The following PHIP variants were observed in gnomAD, a reference collection of about 807,000 sequenced individuals.
PHIP encodes PH-interacting protein.
Under a neutral mutation model 236.8 loss-of-function variants are expected in PHIP, and 54 were observed. The ratio of observed to expected loss-of-function variants is 0.23; its 90% CI spans 0.18 to 0.29. The LOEUF (loss-of-function observed/expected upper bound fraction) is 0.29. Ranked by LOEUF, PHIP falls within the 10% of genes least tolerant of loss-of-function variation. PHIP has a pLI of 1.00. For missense variants in PHIP, 1,370 were observed against 2,190.8 expected (o/e 0.63, Z 7.48); for synonymous variants, 756 against 718.9 (o/e 1.05, Z -0.83).
chr6:79,052,948 T>C (rs1396665376), intron 6 of PHIP, among the ~76,000 whole-genome samples: 1 of 152,196 alleles, frequency 6.6e-6, no homozygotes, highest in Non-Finnish European at 1.5e-5. Context: ...CTGAGGTACA[T>C]GCATACATAT....
intron 15 of PHIP, 92 bp from the exon 16 acceptor site, chr6:79,003,950 C>T: frequency 1.3e-6 from 1 of 773,710 alleles, no homozygotes; most frequent in Non-Finnish European, 2.0e-6. Context: ...TAAAAGCATA[C>T]ATCCTAATGA....
At chr6:79,019,840 T>C (rs1484882692) in intron 9 of PHIP, among the ~76,000 whole-genome samples, 8 of 152,086 alleles carry the variant, frequency 5.3e-5, no homozygotes, top group African/African-American at 1.9e-4. Context: ...ATACTACTGA[T>C]ATTAAATGTT....
intron 15 of PHIP, among the ~76,000 whole-genome samples, chr6:79,012,509 T>C (rs1770636544): frequency 6.6e-6 from 1 of 151,740 alleles, no homozygotes; most frequent in Non-Finnish European, 1.5e-5. Flanking sequence ...CAAAGCACTA[T>C]ATATGACTAG....
chr6:79,018,543 T>C (rs1044405544), intron 10 of PHIP, among the ~76,000 whole-genome samples: 2 of 151,996 alleles, frequency 1.3e-5, no homozygotes, highest in Admixed American at 6.6e-5. Context: ...AACCAGATTT[T>C]TTTTATAACT....
chr6:79,016,482 C>G (rs927081022), intron 13 of PHIP, 62 bp downstream of exon 13: 1 of 956,658 alleles, frequency 1.0e-6, no homozygotes, highest in African/African-American at 1.7e-5. Flanking sequence ...AGTCACCAAC[C>G]TGCACTATAA....
At chr6:78,945,101 T>C (rs1468595152) in intron 39 of PHIP, among the ~76,000 whole-genome samples, 199 bp downstream of exon 39, 1 of 152,054 alleles carries the variant, frequency 6.6e-6, no homozygotes, top group African/African-American at 2.4e-5. Context: ...TTTTTTCTTT[T>C]GAGACAGGGT....
At chr6:79,010,881 C>T (rs1770539832) in intron 15 of PHIP, among the ~76,000 whole-genome samples, 1 of 151,772 alleles carries the variant, frequency 6.6e-6, no homozygotes, top group Non-Finnish European at 1.5e-5. Context: ...ACTTAGCTGT[C>T]CGGTGCTAAT....
At chr6:78,999,008 AG>A (rs1301660258) in intron 17 of PHIP, among the ~76,000 whole-genome samples, 3 of 152,136 alleles carry the variant, frequency 2.0e-5, no homozygotes, top group African/African-American at 7.2e-5. Flanking sequence ...GTTGAAATAA[AG>A]AAGGTGATGG....
Position 79,055,024 on chromosome 6 carries a change from T to C in PHIP, c.439+5454A>G, listed in dbSNP as rs1002901992. 5.9e-5 allele frequency among the ~76,000 whole-genome samples: 9 copies of C among 152,068 alleles called. 1 individual carries two copies. Among genetic ancestry groups the C allele is most frequent in the African/African-American group, 1.9e-4 (8 of 41,446 alleles). ...GAAGCTACTTTTCAAGGCAAAGTTT[T>C]TTCCTTACCCTCAAACATGTTTAAG... On this transcript the variant is annotated intron_variant, in intron 6 of 39. Transcript: ENST00000275034.
intron 12 of PHIP, 134 bp from the exon 13 acceptor site, chr6:79,016,776 T>G: frequency 1.9e-6 from 1 of 539,266 alleles, no homozygotes; most frequent in Non-Finnish European, 3.3e-6. Flanking sequence ...TTCTGAAACT[T>G]TATGGGCTTT....
In PHIP at chr6:78,998,400, T is replaced by C. The variant is rs770156856; in HGVS notation, c.1880-9A>G. The C allele has an allele frequency of 2.5e-6, 4 of 1,610,398 alleles. No homozygotes were observed. Among genetic ancestry groups the C allele is most frequent in the Non-Finnish European group, 3.4e-6 (4 of 1,177,702 alleles). ...TAAAACTTGATTCAGTCCTATACAA[T>C]ACCACACAAAATATTACGAATATTT... On this transcript the variant is annotated splice_polypyrimidine_tract_variant and intron_variant, in intron 17 of 39. Transcript: ENST00000275034.
At chr6:79,043,304 G>A (rs1437125144) in intron 6 of PHIP, among the ~76,000 whole-genome samples, 1 of 151,748 alleles carries the variant, frequency 6.6e-6, no homozygotes. Flanking sequence ...TTACTCTCTG[G>A]CTAGTGCTCT....
At chr6:79,061,158 A>C (rs1356461390) in intron 4 of PHIP, among the ~76,000 whole-genome samples, 1 of 152,194 alleles carries the variant, frequency 6.6e-6, no homozygotes, top group Admixed American at 6.5e-5. Context: ...AATACTGCTT[A>C]ATTTATACCG....
intron 29 of PHIP, among the ~76,000 whole-genome samples, chr6:78,963,760 T>C (rs1029626782): frequency 6.6e-6 from 1 of 152,220 alleles, no homozygotes; most frequent in Non-Finnish European, 1.5e-5. Flanking sequence ...CTTGAATCTT[T>C]AACAGTTTTA....
chr6:79,020,920 TATTAA>T (rs1171834045), intron 9 of PHIP, among the ~76,000 whole-genome samples: 1 of 152,180 alleles, frequency 6.6e-6, no homozygotes, highest in Non-Finnish European at 1.5e-5. Flanking sequence ...TATTTTAAAG[TATTAA>T]ATTAGTGTGA....
chr6:79,027,291 C>T (rs189888730), intron 7 of PHIP, among the ~76,000 whole-genome samples: 86 of 152,164 alleles, frequency 5.7e-4, no homozygotes, highest in Middle Eastern at 6.8e-3. Flanking sequence ...CCCCAATTAA[C>T]GATAAAACCA....
chr6:79,038,522 A>C (rs534330971), intron 7 of PHIP, among the ~76,000 whole-genome samples: 1 of 152,282 alleles, frequency 6.6e-6, no homozygotes, highest in African/African-American at 2.4e-5. Flanking sequence ...AACCCAAAGG[A>C]TGTTTTTCAG....
Position 78,938,674 on chromosome 6 carries a change from ATAGT to A in PHIP, c.*2015_*2018del, listed in dbSNP as rs1162110972. 1.3e-5 allele frequency: 2 copies of A among 151,668 alleles called. No individual in the cohort carries two copies. Among genetic ancestry groups the A allele is most frequent in the African/African-American group, 2.4e-5 (1 of 41,428 alleles). 9.4% of individuals were successfully genotyped at this position (151,668 alleles called of 1,614,324 possible). A position where few individuals can be genotyped will look rare whatever the true frequency, so the allele number is the denominator to read the frequency against. Reference sequence around the variant, plus strand: ...AGTTTAACTACTGAATTTTAATTTTATAGTTAAATATATTTGTTAGAAAAAAATA... The same window carrying A: ...AGTTTAACTACTGAATTTTAATTTTATAAATATATTTGTTAGAAAAAAATA... On this transcript the variant is annotated 3_prime_UTR_variant, in exon 40 of 40. Coordinates refer to ENST00000275034, the MANE Select transcript of PHIP (RefSeq NM_017934.7).
intron 10 of PHIP, among the ~76,000 whole-genome samples, chr6:79,018,233 A>G (rs535611065): frequency 1.3e-5 from 2 of 151,996 alleles, no homozygotes; most frequent in Non-Finnish European, 2.9e-5. Flanking sequence ...GTAAAAATTC[A>G]GAGTATTCTG....
Sources: allele counts gnomAD v4.1 joint callset (sites outside exome capture counted in the v4.1 genomes callset), GRCh38; gene constraint gnomAD v4.1.1; transcripts MANE v1.5; gene names NCBI Gene and HGNC (gene_info 2026-07-23, HGNC 2026-07-21).